Variants in SHLD1 observed in about 807,000 individuals in gnomAD.
The protein encoded by SHLD1 is RINN1-REV7-interacting novel NHEJ regulator 3.
In SHLD1, 3 loss-of-function variants were observed where a neutral mutation model predicts 5.5. That is an observed-to-expected ratio of 0.54 (90% CI 0.25 to 1.40). SHLD1 has a LOEUF of 1.40. Ranked by LOEUF, SHLD1 falls within the 40% of genes most tolerant of loss-of-function variation. The pLI is 0.15. For missense variants in SHLD1, 210 were observed against 244.4 expected, an observed-to-expected ratio of 0.86 and a Z score of 0.94; for synonymous variants, 92 against 94.3, an observed-to-expected ratio of 0.98 and a Z score of 0.14.
chr20:5,764,931 CT>C (rs1984740845), intron 1 of SHLD1, among the ~76,000 whole-genome samples: 1 of 152,090 alleles, frequency 6.6e-6, no homozygotes, highest in Non-Finnish European at 1.5e-5. Context: ...ATTTGTAGGT[CT>C]GTAAGAATCT....
At chr20:5,795,110 AC>A (rs2087192417) in intron 2 of SHLD1, among the ~76,000 whole-genome samples, 1 of 151,872 alleles carries the variant, frequency 6.6e-6, no homozygotes, top group South Asian at 2.1e-4. Context: ...GTGGTGGCAC[AC>A]ACCTGTAATC....
intron 2 of SHLD1, among the ~76,000 whole-genome samples, chr20:5,798,736 A>T (rs1268845086): frequency 6.6e-6 from 1 of 150,434 alleles, no homozygotes; most frequent in Admixed American, 6.6e-5. Context: ...TCCTGGCTCA[A>T]CCTCCAGAGT....
chr20:5,813,319 C>T (rs907222236), intron 2 of SHLD1, among the ~76,000 whole-genome samples: 1 of 151,880 alleles, frequency 6.6e-6, no homozygotes, highest in Non-Finnish European at 1.5e-5. Flanking sequence ...GAAACCCTGT[C>T]TCTACTAAAA....
chr20:5,795,379 T>A (rs1568506140), intron 2 of SHLD1, among the ~76,000 whole-genome samples: 1 of 151,786 alleles, frequency 6.6e-6, no homozygotes, highest in Non-Finnish European at 1.5e-5. Context: ...GGCAGATCAC[T>A]TGAAGTCAGG....
At chr20:5,794,116 C>G (rs2087179129) in intron 2 of SHLD1, among the ~76,000 whole-genome samples, 1 of 152,052 alleles carries the variant, frequency 6.6e-6, no homozygotes, top group Non-Finnish European at 1.5e-5. Context: ...GAGTTTTCAC[C>G]TTGATTCTAT....
At chr20:5,857,496 A>G (rs1262897039) in intron 2 of SHLD1, among the ~76,000 whole-genome samples, 1 of 152,126 alleles carries the variant, frequency 6.6e-6, no homozygotes, top group African/African-American at 2.4e-5. Flanking sequence ...TTAAATCCTG[A>G]TACTTTTTCA....
chr20:5,850,908 T>C (rs764784790), intron 2 of SHLD1, among the ~76,000 whole-genome samples: 2 of 152,180 alleles, frequency 1.3e-5, no homozygotes, highest in Non-Finnish European at 2.9e-5. Context: ...GGCTGGTCGA[T>C]GCTCCATAAT....
At chr20:5,803,598 C>T (rs1186567096) in intron 2 of SHLD1, among the ~76,000 whole-genome samples, 2 of 152,054 alleles carry the variant, frequency 1.3e-5, no homozygotes, top group Non-Finnish European at 2.9e-5. Flanking sequence ...GGGCCAGTCG[C>T]GGTGGCTCAC....
intron 2 of SHLD1, among the ~76,000 whole-genome samples, chr20:5,849,364 G>A (rs1323079154): frequency 6.6e-6 from 1 of 152,184 alleles, no homozygotes; most frequent in Non-Finnish European, 1.5e-5. Flanking sequence ...TGCCAGTGGT[G>A]AAAACAGGGA....
intron 1 of SHLD1, among the ~76,000 whole-genome samples, chr20:5,764,168 A>G (rs1984673105): frequency 1.0e-5 from 1 of 99,136 alleles, no homozygotes; most frequent in South Asian, 3.1e-4. Context: ...TTATATATAT[A>G]TATATATTTT....
chr20:5,765,222 T>C (rs1665876429), intron 1 of SHLD1: 1 of 151,738 alleles, frequency 6.6e-6, no homozygotes, highest in Admixed American at 6.6e-5. Context: ...AAAGAATATT[T>C]ACAATAACTT....
At chr20:5,805,971 G>A (rs1379053970) in intron 2 of SHLD1, among the ~76,000 whole-genome samples, 1 of 152,170 alleles carries the variant, frequency 6.6e-6, no homozygotes, top group African/African-American at 2.4e-5. Context: ...TGAATGGGGA[G>A]AAAGCACAGC....
chr20:5,806,592 A>G lies in SHLD1; in HGVS notation c.178+33549A>G, dbSNP rs971390762. Among the ~76,000 whole-genome samples the G allele has an allele frequency of 2.6e-5, 4 of 152,238 alleles. No homozygotes were observed. The highest frequency in any genetic ancestry group is 2.0e-4 in the Admixed American group (3 of 15,290). On this transcript the variant is annotated intron_variant, in intron 2 of 2. Transcript: ENST00000303142. This position sits in a 1 kb window ranked among gnomAD's most constrained non-coding sequence, Gnocchi z 7.6. ...AAACAAAACAATAGAATTTTGATAGAAGTGGAACAGAGGCCTGCAGTGTTG... is the reference window on the plus strand; with the variant it reads ...AAACAAAACAATAGAATTTTGATAGGAGTGGAACAGAGGCCTGCAGTGTTG...
At chr20:5,797,373 C>A (rs1038518871) in intron 2 of SHLD1, among the ~76,000 whole-genome samples, 6 of 152,016 alleles carry the variant, frequency 3.9e-5, no homozygotes, top group Non-Finnish European at 7.4e-5. Flanking sequence ...TCAGCCTGGG[C>A]AACATAGTGA....
rs150081261 is a variant in SHLD1 at position 5,786,575 on chromosome 20, T to C, written c.178+13532T>C. 1.5e-3 allele frequency among the ~76,000 whole-genome samples: 220 copies of C among 142,486 alleles called. 3 individuals are homozygous for C. In the East Asian group the frequency reaches 0.038, roughly 25 times the overall value. The allele number at this position is 142,486 out of a possible 152,430, so 93.5% of individuals were successfully genotyped here. On this transcript the variant is annotated intron_variant, in intron 2 of 2. Coordinates refer to ENST00000303142, the MANE Select transcript of SHLD1 (RefSeq NM_152504.4). The stretch of plus-strand genomic sequence containing the variant: ...GAGTGACAGAATGAGACCTCATCTC[T>C]TTTAAATTAAAAAAAAAAAGAAAAG...
chr20:5,769,537 C>A (rs1214776127), intron 1 of SHLD1, among the ~76,000 whole-genome samples: 1 of 152,094 alleles, frequency 6.6e-6, no homozygotes, highest in Non-Finnish European at 1.5e-5. Context: ...TATATACATA[C>A]CTATGATAAA....
chr20:5,839,296 C>T (rs146171108), intron 2 of SHLD1, among the ~76,000 whole-genome samples: 1,876 of 152,290 alleles, frequency 0.012, 35 homozygotes, highest in African/African-American at 0.043. Flanking sequence ...GACACATTCT[C>T]CTTTGTGGGG....
chr20:5,808,737 T>C (rs1419159069), intron 2 of SHLD1, among the ~76,000 whole-genome samples: 2 of 152,184 alleles, frequency 1.3e-5, no homozygotes, highest in African/African-American at 4.8e-5. Context: ...ATTCATGGAG[T>C]CAAACTTGGT....
intron 2 of SHLD1, among the ~76,000 whole-genome samples, chr20:5,784,544 G>A (rs1383246941): frequency 2.0e-5 from 3 of 151,848 alleles, no homozygotes; most frequent in Admixed American, 1.3e-4. Context: ...TCCGCCTCCC[G>A]GGTTCACGCC....
Sources: gnomAD v4.1 joint callset for allele counts (sites outside exome capture counted in the v4.1 genomes callset) on GRCh38, gnomAD v4.1.1 for gene constraint, Gnocchi (gnomAD v3.1) non-coding constraint, MANE v1.5 for transcripts, NCBI Gene and HGNC (gene_info 2026-07-23, HGNC 2026-07-21) for gene names.